RPS6KC1: variants seen among roughly 807,000 people sequenced by gnomAD.
RPS6KC1 encodes the protein ribosomal protein S6 kinase C1, also known as inactive ribosomal protein S6 kinase delta-1.
Under a neutral mutation model 103.8 loss-of-function variants are expected in RPS6KC1, and 54 were observed. The observed-to-expected ratio is 0.52, with a 90% CI of 0.42 to 0.65. The LOEUF (loss-of-function observed/expected upper bound fraction) is 0.65, where lower values mean the gene tolerates loss of function less well. Among genes scored for constraint, RPS6KC1 ranks in the 30% least tolerant of loss-of-function variants. RPS6KC1 has a pLI of 0.00. For synonymous variants in RPS6KC1, 439 were observed against 438.7 expected, an observed-to-expected ratio of 1.00 and a Z score of -0.01; for missense variants, 1,151 against 1,253.8, an observed-to-expected ratio of 0.92 and a Z score of 1.24.
At chr1:213,105,277 G>T (rs941646159) in intron 4 of RPS6KC1, among the ~76,000 whole-genome samples, 3 of 144,080 alleles carry the variant, frequency 2.1e-5, no homozygotes, top group Non-Finnish European at 4.5e-5. Context: ...GAACTGTATC[G>T]GTATATGTTG....
chr1:213,759,357 C>A, the RPS6KC1 span, among the ~76,000 whole-genome samples: 3 of 152,146 alleles, frequency 2.0e-5, no homozygotes, highest in Non-Finnish European at 4.4e-5. Flanking sequence ...TCAAAAAGTT[C>A]ATGTGACTTG....
the RPS6KC1 span, among the ~76,000 whole-genome samples, chr1:213,829,877 G>T: frequency 6.6e-6 from 1 of 152,162 alleles, no homozygotes; most frequent in African/African-American, 2.4e-5. Flanking sequence ...TGTAACTAGA[G>T]CATTAATAAA....
intron 5 of RPS6KC1, among the ~76,000 whole-genome samples, chr1:213,118,016 T>C (rs1476161052): frequency 2.3e-4 from 4 of 17,372 alleles, no homozygotes; most frequent in African/African-American, 1.7e-3. Context: ...AGCAAGACTT[T>C]GTCTCAAAAA....
Position 213,117,327 on chromosome 1 carries a change from T to G in RPS6KC1, c.389T>G (p.Ile130Ser), listed in dbSNP as rs1282017958. ...CTCTTATCTCTTTAGGGTGGAATAATTAATGATAGTTCTGAATTAATTGGT... is the reference window on the plus strand; with the variant it reads ...CTCTTATCTCTTTAGGGTGGAATAAGTAATGATAGTTCTGAATTAATTGGT... ...QLEDFFKGGI[I>S]NDSSELIGPA... Residue 130 changes from isoleucine (I) to serine (S), a missense_variant, in exon 5 of 15, where the codon ATT becomes AGT. Around this residue, in one of 3 missense-constraint regions of RPS6KC1, gnomAD observed 959 missense variants for 1,006.3 expected, o/e 0.95. Coordinates refer to ENST00000366960, the MANE Select transcript of RPS6KC1 (RefSeq NM_012424.6). 1 of 1,598,426 alleles carries G rather than the reference T, an allele frequency of 6.3e-7. No homozygotes were observed. Among genetic ancestry groups the G allele is most frequent in the South Asian group, 1.1e-5 (1 of 90,138 alleles).
At chr1:213,199,497 C>A (rs1227683991) in intron 8 of RPS6KC1, among the ~76,000 whole-genome samples, 1 of 152,180 alleles carries the variant, frequency 6.6e-6, no homozygotes, top group Non-Finnish European at 1.5e-5. Context: ...GGAAATACCT[C>A]AAAATAATAC....
the RPS6KC1 span, among the ~76,000 whole-genome samples, chr1:213,828,977 C>T: frequency 2.6e-5 from 4 of 152,100 alleles, no homozygotes; most frequent in African/African-American, 9.7e-5. Flanking sequence ...TACTTTTATA[C>T]AGTGTAAATC....
chr1:213,640,716 T>C, the RPS6KC1 span, among the ~76,000 whole-genome samples: 2 of 151,944 alleles, frequency 1.3e-5, no homozygotes, highest in Non-Finnish European at 2.9e-5. Flanking sequence ...CTTTTATTGA[T>C]TTCTAGTATA....
At chr1:213,499,049 G>A in the RPS6KC1 span, among the ~76,000 whole-genome samples, 12 of 152,072 alleles carry the variant, frequency 7.9e-5, no homozygotes, top group African/African-American at 2.7e-4. Context: ...CAAAGTGCTG[G>A]GATTACAAGC....
rs550520136 is a variant in RPS6KC1 at position 213,108,652 on chromosome 1, T to A, written c.378+4083T>A. 1.2e-3 allele frequency among the ~76,000 whole-genome samples: 181 copies of A among 150,200 alleles called. 1 individual carries two copies. The highest frequency in any genetic ancestry group is 1.9e-3 in the Admixed American group (29 of 15,000). Reference sequence around the variant, plus strand: ...TTTAAAATTATTTTATTATTTTACTTCTTTTTTTTTTTTTTTTAAAGAATT... The same window carrying A: ...TTTAAAATTATTTTATTATTTTACTACTTTTTTTTTTTTTTTTAAAGAATT... On this transcript the variant is annotated intron_variant, in intron 4 of 14. Transcript: ENST00000366960.
the RPS6KC1 span, among the ~76,000 whole-genome samples, chr1:213,468,804 T>A: frequency 6.6e-6 from 1 of 152,162 alleles, no homozygotes; most frequent in Non-Finnish European, 1.5e-5. Flanking sequence ...GCCTATTCAA[T>A]CTCATCTGCT....
In RPS6KC1 at chr1:213,241,391, G is replaced by A. The variant is rs200457587; in HGVS notation, c.1915G>A (p.Asp639Asn). ...LKPFFTLPDG[D>N]SASRSFNTSE... ...ACCATTCTTTACTCTTCCAGATGGAGACAGTGCTTCTAGGAGTTTTAATAC... is the reference window on the plus strand; with the variant it reads ...ACCATTCTTTACTCTTCCAGATGGAAACAGTGCTTCTAGGAGTTTTAATAC... The change falls in exon 11 of 15, where the codon GAC becomes AAC. Residue 639 changes from aspartate (D) to asparagine (N), a missense_variant. Asp to Asn is a conservative substitution (Grantham distance 23). Transcript: ENST00000366960. 2.0e-4 allele frequency: 323 copies of A among 1,613,806 alleles called. No homozygotes were observed. Among genetic ancestry groups the A allele is most frequent in the Non-Finnish European group, 2.7e-4 (316 of 1,179,944 alleles).
chr1:213,724,116 C>A, the RPS6KC1 span, among the ~76,000 whole-genome samples: 1 of 152,146 alleles, frequency 6.6e-6, no homozygotes, highest in African/African-American at 2.4e-5. Flanking sequence ...GAGATGAAGT[C>A]TTGCTCAGTC....
intron 1 of RPS6KC1, among the ~76,000 whole-genome samples, chr1:213,060,350 A>C (rs935894479): frequency 1.3e-5 from 2 of 152,296 alleles, no homozygotes. Flanking sequence ...ATAAATACTT[A>C]GTTTTGGCTT....
At chr1:213,732,952 A>T in the RPS6KC1 span, among the ~76,000 whole-genome samples, 3 of 152,156 alleles carry the variant, frequency 2.0e-5, no homozygotes, top group East Asian at 3.9e-4. Flanking sequence ...CTTCAGGTTC[A>T]TCATGTCTGA....
At chr1:213,529,847 G>C in the RPS6KC1 span, among the ~76,000 whole-genome samples, 2 of 152,076 alleles carry the variant, frequency 1.3e-5, no homozygotes, top group Admixed American at 1.3e-4. Flanking sequence ...ATTAGTTTCT[G>C]GTAGGCCAAT....
the RPS6KC1 span, among the ~76,000 whole-genome samples, chr1:213,500,730 T>G: frequency 6.6e-6 from 1 of 152,226 alleles, no homozygotes. Flanking sequence ...GATCCTTTGT[T>G]GACTGAAATG....
At chr1:213,636,523 C>T in the RPS6KC1 span, among the ~76,000 whole-genome samples, 1 of 152,112 alleles carries the variant, frequency 6.6e-6, no homozygotes, top group East Asian at 1.9e-4. Context: ...GAAAGGATTC[C>T]CTATTTAATA....
At chr1:213,428,309 T>C in the RPS6KC1 span, among the ~76,000 whole-genome samples, 5 of 152,188 alleles carry the variant, frequency 3.3e-5, no homozygotes, top group Admixed American at 6.5e-5. Flanking sequence ...TAGTTTTTAC[T>C]TACTTTAAGC....
At chr1:213,814,675 C>T in the RPS6KC1 span, among the ~76,000 whole-genome samples, 1 of 152,292 alleles carries the variant, frequency 6.6e-6, no homozygotes, top group East Asian at 1.9e-4. Flanking sequence ...ATTATAAGGG[C>T]TTTACATGCA....
Sources: allele counts gnomAD v4.1 joint callset (sites outside exome capture counted in the v4.1 genomes callset), GRCh38; gene constraint gnomAD v4.1.1; regional missense constraint gnomAD v4.1.1; transcripts MANE v1.5; gene names NCBI Gene and HGNC (gene_info 2026-07-23, HGNC 2026-07-21).